MRTFB: variants seen among roughly 807,000 people sequenced by gnomAD.
MRTFB encodes the protein myocardin-related transcription factor B.
MRTFB carries 29 observed loss-of-function variants against 104.2 expected under a neutral mutation model. The observed-to-expected ratio is 0.28, with a 90% CI of 0.21 to 0.38. The LOEUF is 0.38. Ranked by LOEUF, MRTFB falls within the 10% of genes least tolerant of loss-of-function variation. MRTFB has a pLI of 1.00. For missense variants in MRTFB, 1,270 were observed against 1,341.6 expected (o/e 0.95, Z 0.83); for synonymous variants, 535 against 519.5 (o/e 1.03, Z -0.41).
intron 2 of MRTFB, among the ~76,000 whole-genome samples, chr16:14,091,823 C>T (rs938402770): frequency 3.3e-5 from 5 of 151,612 alleles, no homozygotes; most frequent in Non-Finnish European, 5.9e-5. Context: ...GGTAAAACCC[C>T]GTCTCTACTA....
rs2040833392 is a variant in MRTFB, at chr16:14,203,994, T to C, written c.155-6249T>C. ...TGTTTGTTTGAGACAGAGTTCTTGC[T>C]CTATTGCCCAGGCTTGAGTGCCGTG... On this transcript the variant is annotated intron_variant, in intron 3 of 16. Transcript: ENST00000571589. Among the ~76,000 whole-genome samples the C allele has an allele frequency of 2.0e-5, 3 of 152,146 alleles. No individual in the cohort carries two copies. In the South Asian group the frequency reaches 6.2e-4, roughly 32 times the overall value.
chr16:14,052,845 T>C, the MRTFB span, among the ~76,000 whole-genome samples: 2 of 152,322 alleles, frequency 1.3e-5, no homozygotes, highest in African/African-American at 4.8e-5. Context: ...TATCTAACTT[T>C]ATGTTTGTAC....
At chr16:14,251,397 A>G (rs1413815183) in intron 13 of MRTFB, among the ~76,000 whole-genome samples, 2 of 151,480 alleles carry the variant, frequency 1.3e-5, no homozygotes, top group Non-Finnish European at 2.9e-5. Context: ...AAAAAAAAAA[A>G]AAGACTTGAG....
intron 8 of MRTFB, among the ~76,000 whole-genome samples, chr16:14,222,215 T>C (rs1383699444): frequency 6.6e-6 from 1 of 152,170 alleles, no homozygotes. Flanking sequence ...GTGAAATCTC[T>C]GCCTTAGATT....
At chr16:14,020,443 A>G in the MRTFB span, 1 of 152,206 alleles carries the variant, frequency 6.6e-6, no homozygotes, top group Non-Finnish European at 1.5e-5. Context: ...AGGTCCCAGT[A>G]TTCTTGAAGC....
At chr16:14,200,595 A>C (rs1328342731) in intron 3 of MRTFB, 2 of 1,595,420 alleles carry the variant, frequency 1.3e-6, no homozygotes, top group Admixed American at 1.7e-5. Context: ...GCAGTGAAGA[A>C]TATCACAGGT....
chr16:14,153,295 A>G (rs1364609185), intron 3 of MRTFB: 1 of 152,204 alleles, frequency 6.6e-6, no homozygotes, highest in African/African-American at 2.4e-5. Flanking sequence ...TTAACTAGTC[A>G]TGATCTTAAT....
At chr16:14,168,683 G>A (rs544375110) in intron 3 of MRTFB, among the ~76,000 whole-genome samples, 3 of 152,280 alleles carry the variant, frequency 2.0e-5, no homozygotes, top group South Asian at 2.1e-4. Context: ...TATTAATAAA[G>A]CTGCTATGAA....
chr16:14,093,196 G>A (rs1164172519), intron 2 of MRTFB, among the ~76,000 whole-genome samples: 2 of 151,466 alleles, frequency 1.3e-5, no homozygotes, highest in African/African-American at 2.4e-5. Context: ...TATTAGAAAA[G>A]CACAGTTGTA....
chr16:14,059,997 A>ATTTTT, the MRTFB span, among the ~76,000 whole-genome samples: 842 of 99,722 alleles, frequency 8.4e-3, 129 homozygotes, highest in African/African-American at 0.041. Context: ...GAGACATGTA[A>ATTTTT]TTTTTTTTTT....
At chr16:14,235,808 C>T (rs369446979) in intron 9 of MRTFB, among the ~76,000 whole-genome samples, 2 of 152,142 alleles carry the variant, frequency 1.3e-5, no homozygotes, top group Admixed American at 6.5e-5. Context: ...CACTCTACAA[C>T]GATTATACTC....
At chr16:14,110,958 C>T (rs574204671) in intron 2 of MRTFB, among the ~76,000 whole-genome samples, 2 of 152,266 alleles carry the variant, frequency 1.3e-5, no homozygotes, top group South Asian at 4.1e-4. Flanking sequence ...TCAACCTGCT[C>T]TGTGGTTTTT....
At chr16:14,223,772 AAG>A (rs747895733) in intron 8 of MRTFB, among the ~76,000 whole-genome samples, 4 of 152,250 alleles carry the variant, frequency 2.6e-5, no homozygotes, top group Admixed American at 6.5e-5. Context: ...TCCAAAAGGA[AAG>A]AGAGAAAGGG....
the MRTFB span, among the ~76,000 whole-genome samples, chr16:14,036,296 T>TTATATTTATATATATATATA: frequency 3.1e-5 from 3 of 98,314 alleles, no homozygotes; most frequent in East Asian, 9.5e-4. Context: ...TTATATATAT[T>TTATATTTATATATATATATA]TATATATATA....
chr16:14,208,185 G>A (rs2041033773), intron 3 of MRTFB, among the ~76,000 whole-genome samples: 1 of 152,242 alleles, frequency 6.6e-6, no homozygotes. Context: ...TCTGGTGATA[G>A]ATGATACAGC....
intron 3 of MRTFB, among the ~76,000 whole-genome samples, chr16:14,147,432 G>T (rs554062713): frequency 6.6e-6 from 1 of 152,252 alleles, no homozygotes; most frequent in South Asian, 2.1e-4. Flanking sequence ...CCTTTATGAT[G>T]TCTCCTATTA....
rs1012501982 is a variant in MRTFB at position 14,262,303 on chromosome 16, T to C, written c.*859T>C. ...ATGGGTATCCAAGGTCCTACTTTTT[T>C]AATAGCTCGAATATTTCTAGAGTAC... On this transcript the variant is annotated 3_prime_UTR_variant, in exon 17 of 17. Coordinates refer to ENST00000571589, the MANE Select transcript of MRTFB (RefSeq NM_001308142.2). 5.3e-5 allele frequency: 8 copies of C among 152,246 alleles called. No homozygotes were observed. Among genetic ancestry groups the C allele is most frequent in the African/African-American group, 1.9e-4 (8 of 41,476 alleles). The allele number at this position is 152,246 out of a possible 1,614,324, so 9.4% of individuals were successfully genotyped here.
chr16:14,172,712 A>G (rs943606083), intron 3 of MRTFB, among the ~76,000 whole-genome samples: 1 of 152,142 alleles, frequency 6.6e-6, no homozygotes, highest in Non-Finnish European at 1.5e-5. Flanking sequence ...CATTTTTACC[A>G]TCTAATGTTT....
intron 2 of MRTFB, among the ~76,000 whole-genome samples, chr16:14,127,257 C>T (rs955954031): frequency 3.3e-5 from 5 of 152,138 alleles, no homozygotes; most frequent in African/African-American, 1.2e-4. Context: ...TCAGATGACA[C>T]AAAACGGAGT....
Sources: allele counts gnomAD v4.1 joint callset (sites outside exome capture counted in the v4.1 genomes callset), GRCh38; gene constraint gnomAD v4.1.1; transcripts MANE v1.5; gene names NCBI Gene and HGNC (gene_info 2026-07-23, HGNC 2026-07-21).